The following RHOC variants were observed in gnomAD, a reference collection of about 807,000 sequenced individuals.
The protein encoded by RHOC is rho-related GTP-binding protein RhoC.
Under a neutral mutation model 19.5 loss-of-function variants are expected in RHOC, and 13 were observed. The observed-to-expected ratio is 0.67, with a 90% CI of 0.43 to 1.06. The LOEUF is 1.06. Among genes scored for constraint, RHOC ranks in the 50% least tolerant of loss-of-function variants. The pLI is 0.00. For missense variants in RHOC, 173 were observed against 256.9 expected, an observed-to-expected ratio of 0.67 and a Z score of 2.23; for synonymous variants, 106 against 97.3, an observed-to-expected ratio of 1.09 and a Z score of -0.52.
At chr1:112,706,195 C>G (rs1674829164) in intron 1 of RHOC, 1 of 154,108 alleles carries the variant, frequency 6.5e-6, no homozygotes, top group Admixed American at 6.4e-5. Flanking sequence ...TCCAATCGCT[C>G]TCTTGAATTC....
In RHOC at chr1:112,702,873, C is replaced by A. The variant is rs1475039782; in HGVS notation, c.277+126G>T. On this transcript the variant is annotated intron_variant, in intron 4 of 5. Transcript: ENST00000339083. ...GGCCAGTTACCACAGTAAAGGAGAC[C>A]AACAGGGCCTGAGTGCTCCCCTGCA... 10 of 1,399,860 alleles carry A rather than the reference C, an allele frequency of 7.1e-6. No individual in the cohort carries two copies. The South Asian group carries it at 1.1e-4, about 16-fold the overall frequency. The allele number at this position is 1,399,860 out of a possible 1,614,324, so 86.7% of individuals were successfully genotyped here.
intron 1 of RHOC, among the ~76,000 whole-genome samples, chr1:112,706,464 CCA>C (rs57078670): frequency 4.3e-4 from 10 of 23,060 alleles, no homozygotes; most frequent in African/African-American, 1.9e-3. Context: ...CACACACACA[CCA>C]CACACACACA....
intron 3 of RHOC, 34 bp downstream of exon 3, chr1:112,703,610 C>T (rs1193947597): frequency 1.3e-6 from 2 of 1,507,420 alleles, no homozygotes; most frequent in South Asian, 1.2e-5. Context: ...GGCGGGGTCT[C>T]AGGGTGGGGT....
At chr1:112,706,902 G>C (rs3806441) in intron 1 of RHOC, 176 bp downstream of exon 1, 36,066 of 151,718 alleles carry the variant, frequency 0.24, 4,599 homozygotes, top group Non-Finnish European at 0.28. Flanking sequence ...GGCCGACGCG[G>C]TCCGACCACC....
At chr1:112,701,778 C>T in intron 5 of RHOC, 65 bp from the exon 6 acceptor site, 1 of 1,546,108 alleles carries the variant, frequency 6.5e-7, no homozygotes, top group South Asian at 1.1e-5. Context: ...CCTGCCTCAC[C>T]CATAAGTGTA....
intron 1 of RHOC, among the ~76,000 whole-genome samples, chr1:112,706,491 CA>C (rs374196383): frequency 2.2e-4 from 6 of 27,144 alleles, no homozygotes; most frequent in African/African-American, 5.5e-4. Context: ...CACACACACA[CA>C]CACACACACA....
rs777122070 is a variant in RHOC, at chr1:112,703,769, C to A, written c.31G>T (p.Val11Phe). 1.1e-5 allele frequency: 18 copies of A among 1,612,412 alleles called. No individual in the cohort carries two copies. Among genetic ancestry groups the A allele is most frequent in the Non-Finnish European group, 1.5e-5 (18 of 1,179,534 alleles). The change falls in exon 3 of 6, where the codon GTT (valine) becomes TTT (phenylalanine). Residue 11 changes from valine (V) to phenylalanine (F), a missense_variant. By Grantham distance (50) the Val-to-Phe change is conservative. Transcript: ENST00000339083. The stretch of plus-strand genomic sequence containing the variant: ...GTCTTCCCACAGGCACCATCCCCAA[C>A]GATCACCAGCTTCTTTCGGATTGCA... Reference protein sequence around the residue: MAAIRKKLVIVGDGACGKTCL... With the variant: MAAIRKKLVIFGDGACGKTCL...
rs1557780818 is a variant in RHOC at position 112,706,493 on chromosome 1, CACACACACACACACACACACA to C, written c.-77+564_-77+584del. 2.6e-4 allele frequency among the ~76,000 whole-genome samples: 8 copies of C among 31,280 alleles called. No individual in the cohort carries two copies. The Admixed American group carries it at 2.8e-3, about 11-fold the overall frequency. The allele number at this position is 31,280 out of a possible 152,430, so 20.5% of individuals were successfully genotyped here. ...ACACACACACACACACACACACACA[CACACACACACACACACACACA>C]CACACACACACACACACACACACAG... On this transcript the variant is annotated intron_variant, in intron 1 of 5. Coordinates refer to ENST00000339083, the MANE Select transcript of RHOC (RefSeq NM_175744.5).
intron 2 of RHOC, among the ~76,000 whole-genome samples, chr1:112,704,031 G>A (rs542017516): frequency 3.3e-5 from 5 of 152,288 alleles, no homozygotes; most frequent in African/African-American, 1.2e-4. Context: ...ACAGTGGTGG[G>A]AGGTAGATGA....
intron 1 of RHOC, chr1:112,706,252 C>A (rs1472647558): frequency 1.3e-5 from 2 of 152,846 alleles, no homozygotes; most frequent in African/African-American, 4.8e-5. Context: ...CCACCCTACA[C>A]CTAGGGAAGG....
intron 1 of RHOC, chr1:112,705,870 C>G (rs1433161191): frequency 2.8e-6 from 1 of 351,506 alleles, no homozygotes; most frequent in South Asian, 2.1e-5. Context: ...GTAATTCAGA[C>G]GGCACCAGAG....
At chr1:112,702,899 T>TCCC in intron 4 of RHOC, 100 bp downstream of exon 4, 2 of 1,452,214 alleles carry the variant, frequency 1.4e-6, no homozygotes, top group Admixed American at 1.7e-5. Flanking sequence ...CTCCCCTGCA[T>TCCC]CCCCACCCCC....
intron 4 of RHOC, 30 bp from the exon 5 acceptor site, chr1:112,702,723 T>C (rs369062434): frequency 1.9e-6 from 3 of 1,613,414 alleles, no homozygotes; most frequent in Middle Eastern, 1.7e-4. Flanking sequence ...CAGGTGTCGG[T>C]GCCTCCACTT....
intron 1 of RHOC, 89 bp from the exon 2 acceptor site, chr1:112,705,257 G>T (rs1674801123): frequency 1.4e-6 from 1 of 689,968 alleles, no homozygotes; most frequent in Non-Finnish European, 2.7e-6. Context: ...CACCAACCAG[G>T]CAGGGAGCAG....
chr1:112,706,515 C>CACACACACACACAA (rs1674895258), intron 1 of RHOC, among the ~76,000 whole-genome samples: 3 of 93,448 alleles, frequency 3.2e-5, no homozygotes, highest in Non-Finnish European at 4.4e-5. Context: ...CACACACACA[C>CACACACACACACAA]ACACACACAC....
chr1:112,703,947 C>T (rs954599953), intron 2 of RHOC, 141 bp from the exon 3 acceptor site: 38 of 714,650 alleles, frequency 5.3e-5, no homozygotes, highest in Non-Finnish European at 8.2e-5. Flanking sequence ...TGGCAAAACA[C>T]CAATTGTGCG....
At chr1:112,702,750 C>T in intron 4 of RHOC, 57 bp from the exon 5 acceptor site, 7 of 1,606,342 alleles carry the variant, frequency 4.4e-6, no homozygotes, top group Non-Finnish European at 6.0e-6. Flanking sequence ...GAAAGCTCCC[C>T]TGGGGGGGCC....
At position 112,701,429 on chromosome 1, in the gene RHOC, A is replaced by T; in HGVS notation, c.*111T>A. ...AACAATGCAGTCCTGGGCAGGAGGG[A>T]ACTGAAAATGGGAGCCTTCAGCATG... is the stretch of plus-strand genomic sequence containing the variant. On this transcript the variant is annotated 3_prime_UTR_variant, in exon 6 of 6. Coordinates refer to ENST00000339083, the MANE Select transcript of RHOC (RefSeq NM_175744.5). 6.2e-7 allele frequency: 1 copy of T among 1,607,426 alleles called. No individual in the cohort carries two copies. Among genetic ancestry groups the T allele is most frequent in the African/African-American group, 1.3e-5 (1 of 74,802 alleles).
intron 1 of RHOC, chr1:112,705,381 C>T (rs1674804907): frequency 1.6e-6 from 1 of 610,656 alleles, no homozygotes; most frequent in South Asian, 1.9e-5. Flanking sequence ...CCCACCACCA[C>T]CTCACACTGC....
Sources: allele counts gnomAD v4.1 joint callset (sites outside exome capture counted in the v4.1 genomes callset), GRCh38; gene constraint gnomAD v4.1.1; transcripts MANE v1.5; gene names NCBI Gene and HGNC (gene_info 2026-07-23, HGNC 2026-07-21).